PDE10A: variants seen among roughly 807,000 people sequenced by gnomAD.
PDE10A encodes the protein phosphodiesterase 10A.
A neutral mutation model predicts 97.7 loss-of-function variants in PDE10A; 39 were observed. That is an observed-to-expected ratio of 0.40 (90% CI 0.31 to 0.52). PDE10A has a LOEUF of 0.52. Ranked by LOEUF, PDE10A falls within the 20% of genes least tolerant of loss-of-function variation. The pLI, the probability that PDE10A is intolerant of heterozygous loss-of-function variation, is 0.56. For missense variants in PDE10A, 731 were observed against 1,047.8 expected (o/e 0.70, Z 4.17); for synonymous variants, 371 against 376.8 (o/e 0.98, Z 0.18).
chr6:165,529,555 A>G (rs1227055787), intron 2 of PDE10A, among the ~76,000 whole-genome samples: 3 of 152,206 alleles, frequency 2.0e-5, no homozygotes. Flanking sequence ...CCACATGACC[A>G]GTGGCAGAAA....
chr6:165,894,875 C>G (rs35094259), intron 1 of PDE10A, among the ~76,000 whole-genome samples: 5,290 of 152,320 alleles, frequency 0.035, 107 homozygotes, highest in Non-Finnish European at 0.048. Context: ...AGCAGTGGCT[C>G]TCAACCTGGG....
At position 165,619,154 on chromosome 6, in the gene PDE10A, G is replaced by C. The variant is rs796488188; in HGVS notation, c.865+42793C>G. On this transcript the variant is annotated intron_variant, in intron 1 of 21. Coordinates refer to ENST00000539869, the MANE Select transcript of PDE10A (RefSeq NM_001385079.1). ...CTAGTGTAGTGTAGTCTAGTGTCGT[G>C]TAGTGTAGTGTAGTGTAGTCTAGTG... 2.5e-3 allele frequency among the ~76,000 whole-genome samples: 305 copies of C among 123,010 alleles called. 2 individuals are homozygous for C. The highest frequency in any genetic ancestry group is 0.012 in the African/African-American group (281 of 23,398). 80.7% of individuals were successfully genotyped at this position (123,010 alleles called of 152,430 possible).
intron 18 of PDE10A, among the ~76,000 whole-genome samples, chr6:165,367,346 GA>G (rs1783845742): frequency 6.6e-6 from 1 of 151,642 alleles, no homozygotes; most frequent in Non-Finnish European, 1.5e-5. Context: ...AAAACAGTGA[GA>G]TTAGACAGAT....
At chr6:165,764,966 A>C (rs1302884596) in intron 1 of PDE10A, among the ~76,000 whole-genome samples, 1 of 152,128 alleles carries the variant, frequency 6.6e-6, no homozygotes, top group East Asian at 1.9e-4. Flanking sequence ...AGCTAGACAC[A>C]AAGGTTCTCC....
intron 1 of PDE10A, among the ~76,000 whole-genome samples, chr6:165,770,792 A>G (rs1777985401): frequency 1.3e-5 from 2 of 152,168 alleles, no homozygotes; most frequent in South Asian, 4.1e-4. Context: ...CTCTCGAACC[A>G]TTTGAGGTCA....
At chr6:165,857,398 T>C (rs1780767387) in intron 1 of PDE10A, among the ~76,000 whole-genome samples, 1 of 152,238 alleles carries the variant, frequency 6.6e-6, no homozygotes, top group Non-Finnish European at 1.5e-5. Context: ...CAGATTCTTC[T>C]GTGGGGTCAG....
intron 1 of PDE10A, among the ~76,000 whole-genome samples, chr6:165,756,967 A>G (rs913242382): frequency 8.1e-6 from 1 of 124,142 alleles, no homozygotes; most frequent in Admixed American, 1.0e-4. Flanking sequence ...TTCCATTAGG[A>G]TGCTATTTTT....
chr6:165,442,914 G>C (rs1260746943), intron 5 of PDE10A, among the ~76,000 whole-genome samples: 1 of 151,992 alleles, frequency 6.6e-6, no homozygotes, highest in African/African-American at 2.4e-5. Context: ...TTTGAGACCA[G>C]CCTGGCCAAC....
chr6:165,814,312 C>T (rs757643577), intron 1 of PDE10A, among the ~76,000 whole-genome samples: 1 of 152,158 alleles, frequency 6.6e-6, no homozygotes, highest in African/African-American at 2.4e-5. Flanking sequence ...CACGACTCCA[C>T]ACCCTCCACC....
intron 1 of PDE10A, among the ~76,000 whole-genome samples, chr6:165,635,724 T>C (rs186308999): frequency 8.5e-5 from 13 of 152,326 alleles, no homozygotes; most frequent in African/African-American, 2.4e-4. Context: ...CACAAATCAA[T>C]AGACTATCGT....
intron 1 of PDE10A, among the ~76,000 whole-genome samples, chr6:165,699,450 T>C (rs1465876385): frequency 6.6e-6 from 1 of 151,968 alleles, no homozygotes; most frequent in African/African-American, 2.4e-5. Context: ...GAAGATCAGA[T>C]CAACAGGGAA....
intron 1 of PDE10A, among the ~76,000 whole-genome samples, chr6:165,898,039 C>T (rs1782004396): frequency 6.6e-6 from 1 of 151,150 alleles, no homozygotes; most frequent in South Asian, 2.1e-4. Context: ...CTGCCTCCCA[C>T]ATCGTGGCAA....
chr6:165,621,321 G>A (rs1465143558), intron 1 of PDE10A, among the ~76,000 whole-genome samples: 8 of 150,908 alleles, frequency 5.3e-5, no homozygotes, highest in Non-Finnish European at 5.9e-5. Context: ...ACTAAGCTTC[G>A]TAAACTATTT....
intron 1 of PDE10A, among the ~76,000 whole-genome samples, chr6:165,912,349 A>G (rs1474594865): frequency 1.3e-5 from 2 of 152,198 alleles, no homozygotes; most frequent in Non-Finnish European, 2.9e-5. Context: ...TAACTCCCAC[A>G]TTAACACCCG....
At chr6:165,556,145 T>C (rs576980770) in intron 1 of PDE10A, among the ~76,000 whole-genome samples, 77 of 152,300 alleles carry the variant, frequency 5.1e-4, no homozygotes, top group African/African-American at 1.7e-3. Flanking sequence ...TATTTGTACT[T>C]AAGTTTTTAG....
intron 1 of PDE10A, among the ~76,000 whole-genome samples, chr6:165,943,222 A>AAG (rs1562809695): frequency 1.5e-3 from 96 of 64,682 alleles, no homozygotes; most frequent in African/African-American, 4.4e-3. Context: ...AAAGAAAGAA[A>AAG]GAAAGAAAGA....
chr6:165,576,579 A>T, intron 1 of PDE10A: 1 of 672,240 alleles, frequency 1.5e-6, no homozygotes, highest in South Asian at 1.8e-5. Flanking sequence ...TAACTAACAG[A>T]TAATTCTCAG....
At chr6:165,553,474 C>T (rs1290475759) in intron 1 of PDE10A, among the ~76,000 whole-genome samples, 1 of 152,106 alleles carries the variant, frequency 6.6e-6, no homozygotes, top group Non-Finnish European at 1.5e-5. Flanking sequence ...ATCCTTGTCC[C>T]CAAATATATC....
At chr6:165,410,517 G>T (rs1262844744) in intron 13 of PDE10A, among the ~76,000 whole-genome samples, 2 of 152,066 alleles carry the variant, frequency 1.3e-5, no homozygotes, top group East Asian at 3.9e-4. Context: ...TATTAGACTG[G>T]AGGTTAGGTA....
Sources: gnomAD v4.1 joint callset for allele counts (sites outside exome capture counted in the v4.1 genomes callset) on GRCh38, gnomAD v4.1.1 for gene constraint, MANE v1.5 for transcripts, NCBI Gene and HGNC (gene_info 2026-07-23, HGNC 2026-07-21) for gene names.